PHLPP1: variants seen among roughly 807,000 people sequenced by gnomAD.
The protein encoded by PHLPP1 is PH domain leucine-rich repeat-containing protein phosphatase 1.
In PHLPP1, 42 loss-of-function variants were observed where a neutral mutation model predicts 117.2. The observed-to-expected ratio is 0.36, with a 90% CI of 0.28 to 0.46. The LOEUF is 0.46. PHLPP1 is among the 20% of genes least tolerant of loss of function. PHLPP1 has a pLI of 1.00. For missense variants in PHLPP1, 2,084 were observed against 2,241.9 expected (o/e 0.93, Z 1.42); for synonymous variants, 1,042 against 970.7 (o/e 1.07, Z -1.37).
intron 10 of PHLPP1, among the ~76,000 whole-genome samples, chr18:62,924,874 G>C (rs576360238): frequency 8.5e-4 from 128 of 150,732 alleles, no homozygotes; most frequent in African/African-American, 3.0e-3. Flanking sequence ...CTTTAGAATA[G>C]TATATATTAA....
At chr18:62,851,509 G>A (rs547843777) in intron 3 of PHLPP1, among the ~76,000 whole-genome samples, 1 of 152,260 alleles carries the variant, frequency 6.6e-6, no homozygotes, top group Admixed American at 6.5e-5. Context: ...CGCCTAGGCT[G>A]GAGTGCAGTG....
At chr18:62,939,161 T>G (rs1338509993) in intron 10 of PHLPP1, among the ~76,000 whole-genome samples, 1 of 151,914 alleles carries the variant, frequency 6.6e-6, no homozygotes, top group African/African-American at 2.4e-5. Flanking sequence ...CAGCTAATAT[T>G]TGTATTTTTA....
chr18:62,845,521 A>G (rs1915158788), intron 3 of PHLPP1, among the ~76,000 whole-genome samples: 1 of 152,206 alleles, frequency 6.6e-6, no homozygotes, highest in Admixed American at 6.5e-5. Flanking sequence ...CTTACTGTCT[A>G]GATTTTACTC....
At chr18:62,926,963 G>T (rs945868164) in intron 10 of PHLPP1, among the ~76,000 whole-genome samples, 2 of 152,240 alleles carry the variant, frequency 1.3e-5, no homozygotes, top group Non-Finnish European at 2.9e-5. Context: ...AACTGGGGAA[G>T]AGAGAAGAGG....
chr18:62,777,189 C>T (rs1912985128), intron 1 of PHLPP1, among the ~76,000 whole-genome samples: 1 of 152,206 alleles, frequency 6.6e-6, no homozygotes, highest in South Asian at 2.1e-4. Flanking sequence ...GTTCCAAATG[C>T]TCTACATTCT....
intron 1 of PHLPP1, among the ~76,000 whole-genome samples, chr18:62,757,080 G>A (rs1431506262): frequency 6.6e-6 from 1 of 152,104 alleles, no homozygotes; most frequent in East Asian, 1.9e-4. Context: ...GTTAAAACTT[G>A]GTTTTCAAGC....
At chr18:62,958,863 T>TAACAC in intron 13 of PHLPP1, 104 bp downstream of exon 13, 6 of 1,304,688 alleles carry the variant, frequency 4.6e-6, no homozygotes, top group Non-Finnish European at 6.4e-6. Context: ...ATTGACTTGT[T>TAACAC]AGCTGTGTTA....
chr18:62,766,076 A>AAAAAAAAAAAAAAT, intron 1 of PHLPP1, among the ~76,000 whole-genome samples: 11 of 21,662 alleles, frequency 5.1e-4, no homozygotes, highest in African/African-American at 1.3e-3. Flanking sequence ...AAAAAAAAAA[A>AAAAAAAAAAAAAAT]ATATATATAT....
chr18:62,886,396 AC>A lies in PHLPP1; in HGVS notation c.2067-8613del, dbSNP rs538557627. ...CAAGCTCCTGGGCTCAAGTGATCCA[AC>A]CGAGTAGCTAGGACTACAGGTGCAC... On this transcript the variant is annotated intron_variant, in intron 4 of 16. Transcript: ENST00000262719. Among the ~76,000 whole-genome samples, 194 of 152,224 alleles carry A rather than the reference AC, an allele frequency of 1.3e-3. 2 individuals are homozygous for A. The highest frequency in any genetic ancestry group is 4.5e-3 in the African/African-American group (188 of 41,532).
chr18:62,938,808 T>C (rs1211584752), intron 10 of PHLPP1, among the ~76,000 whole-genome samples: 2 of 152,222 alleles, frequency 1.3e-5, no homozygotes, highest in African/African-American at 4.8e-5. Context: ...TGAGGGGTTT[T>C]TTAAGTTGCT....
intron 12 of PHLPP1, among the ~76,000 whole-genome samples, chr18:62,950,651 C>T (rs553332569): frequency 6.6e-6 from 1 of 152,052 alleles, no homozygotes; most frequent in Non-Finnish European, 1.5e-5. Flanking sequence ...AGTTGGGTGG[C>T]GTAGTTGACA....
chr18:62,917,023 G>A (rs948875198), intron 9 of PHLPP1, among the ~76,000 whole-genome samples: 1 of 150,260 alleles, frequency 6.7e-6, no homozygotes, highest in Non-Finnish European at 1.5e-5. Flanking sequence ...CAAAGTGCTG[G>A]GATTATAGCC....
chr18:62,805,476 G>C (rs958378165), intron 1 of PHLPP1, among the ~76,000 whole-genome samples: 1 of 152,074 alleles, frequency 6.6e-6, no homozygotes, highest in African/African-American at 2.4e-5. Context: ...TCCCACCTCA[G>C]CTTCCTGAGT....
intron 10 of PHLPP1, among the ~76,000 whole-genome samples, chr18:62,938,994 C>CTTTTTTTTT (rs1555683300): frequency 7.8e-6 from 1 of 128,676 alleles, no homozygotes; most frequent in Non-Finnish European, 1.6e-5. Flanking sequence ...TTCTTTCTTT[C>CTTTTTTTTT]TTTTTTTTTT....
intron 12 of PHLPP1, among the ~76,000 whole-genome samples, 177 bp from the exon 13 acceptor site, chr18:62,958,452 G>A (rs998769504): frequency 1.5e-4 from 23 of 152,102 alleles, no homozygotes; most frequent in African/African-American, 4.8e-4. Flanking sequence ...TTTGCATTTA[G>A]CAAAATCTAT....
At chr18:62,750,754 T>C (rs1911826323) in intron 1 of PHLPP1, among the ~76,000 whole-genome samples, 1 of 152,050 alleles carries the variant, frequency 6.6e-6, no homozygotes, top group African/African-American at 2.4e-5. Context: ...TTCTCCACTT[T>C]CTTCTGTGAT....
intron 4 of PHLPP1, among the ~76,000 whole-genome samples, chr18:62,881,830 A>T (rs1247356111): frequency 6.6e-6 from 1 of 152,208 alleles, no homozygotes; most frequent in Non-Finnish European, 1.5e-5. Flanking sequence ...AAGATGTGAG[A>T]GTTCAGTTAC....
chr18:62,717,234 T>C lies in PHLPP1; in HGVS notation c.1551T>C (p.Ile517=), dbSNP rs572150215. The part of the protein sequence containing the change: ...RVQEEGMDSE[I]GCLIRFYAGK... ...AGGAGGAAGGCATGGACTCGGAGAT[T>C]GGCTGCCTCATCCGCTTCTATGCAG... The change falls in exon 1 of 17, where the codon ATT becomes ATC. Residue 517 remains isoleucine, a synonymous_variant. Coordinates refer to ENST00000262719, the MANE Select transcript of PHLPP1 (RefSeq NM_194449.4). 6.3e-7 allele frequency: 1 copy of C among 1,598,878 alleles called. No homozygotes were observed. Among genetic ancestry groups the C allele is most frequent in the African/African-American group, 1.3e-5 (1 of 74,632 alleles).
At chr18:62,830,863 T>C (rs1435622096) in intron 2 of PHLPP1, among the ~76,000 whole-genome samples, 1 of 152,184 alleles carries the variant, frequency 6.6e-6, no homozygotes, top group African/African-American at 2.4e-5. Flanking sequence ...TCTAGTAGAG[T>C]ATACTCATCC....
Sources: gnomAD v4.1 joint callset for allele counts (sites outside exome capture counted in the v4.1 genomes callset) on GRCh38, gnomAD v4.1.1 for gene constraint, MANE v1.5 for transcripts, NCBI Gene and HGNC (gene_info 2026-07-23, HGNC 2026-07-21) for gene names.